Variants in BCL2L13 observed in about 807,000 individuals in gnomAD.
BCL2L13 encodes the protein bcl-2-like protein 13.
In BCL2L13, 13 loss-of-function variants were observed where a neutral mutation model predicts 25.8. That is an observed-to-expected ratio of 0.50 (90% CI 0.33 to 0.80). BCL2L13 has a LOEUF of 0.80. BCL2L13 is among the 30% of genes least tolerant of loss of function. The pLI, the probability that BCL2L13 is intolerant of heterozygous loss-of-function variation, is 0.02. For missense variants in BCL2L13, 504 were observed against 574.9 expected (o/e 0.88, Z 1.26); for synonymous variants, 244 against 230.3 (o/e 1.06, Z -0.54).
At chr22:17,643,914 A>C (rs1401325397) in intron 1 of BCL2L13, among the ~76,000 whole-genome samples, 3 of 143,642 alleles carry the variant, frequency 2.1e-5, no homozygotes. Flanking sequence ...CGCCCGGCCA[A>C]CTTTTTTATT....
intron 5 of BCL2L13, among the ~76,000 whole-genome samples, chr22:17,696,809 G>A (rs1195754902): frequency 6.6e-6 from 1 of 152,104 alleles, no homozygotes; most frequent in Non-Finnish European, 1.5e-5. Flanking sequence ...TCTAGCGTCT[G>A]TTTTTTCCAC....
At chr22:17,680,688 C>T (rs886867649) in intron 2 of BCL2L13, among the ~76,000 whole-genome samples, 2 of 151,888 alleles carry the variant, frequency 1.3e-5, no homozygotes, top group African/African-American at 4.8e-5. Flanking sequence ...AGCATCACTA[C>T]GTGTGTGGGG....
chr22:17,683,284 A>G lies in BCL2L13; in HGVS notation c.192A>G (p.Glu64=). 1 of 1,591,886 alleles carries G rather than the reference A, an allele frequency of 6.3e-7. No homozygotes were observed. The highest frequency in any genetic ancestry group is 8.6e-7 in the Non-Finnish European group (1 of 1,165,336). ...TATTAAAAGTTAAAACTGAAATTGAAGAAGAGCTAAAATCTCTGGACAAAG... is the reference window on the plus strand; with the variant it reads ...TATTAAAAGTTAAAACTGAAATTGAGGAAGAGCTAAAATCTCTGGACAAAG... ...EILLKVKTEI[E]EELKSLDKEI... is the part of the protein sequence containing the mutation. The change falls in exon 3 of 7, where the codon GAA becomes GAG. Residue 64 remains glutamate (E), a synonymous_variant. Coordinates refer to ENST00000317582, the MANE Select transcript of BCL2L13 (RefSeq NM_015367.4).
intron 2 of BCL2L13, among the ~76,000 whole-genome samples, chr22:17,682,760 T>C (rs1298088446): frequency 6.6e-6 from 1 of 152,218 alleles, no homozygotes; most frequent in East Asian, 1.9e-4. Flanking sequence ...ATTTTTGTTT[T>C]TTAATTATTG....
At position 17,672,448 on chromosome 22, in the gene BCL2L13, CATTT is replaced by C. The variant is rs988146868; in HGVS notation, c.122-10765_122-10762del. ...TAATGATTACTGACTCACTTGACTT[CATTT>C]GAAACAAGTGGGTGGGACTTAGTGT... On this transcript the variant is annotated intron_variant, in intron 2 of 6. Transcript: ENST00000317582. 5.2e-4 allele frequency among the ~76,000 whole-genome samples: 79 copies of C among 152,324 alleles called. 1 individual carries two copies. The highest frequency in any genetic ancestry group is 6.9e-4 in the Non-Finnish European group (47 of 68,028).
intron 2 of BCL2L13, among the ~76,000 whole-genome samples, chr22:17,674,586 AC>A (rs2059519499): frequency 7.2e-6 from 1 of 138,366 alleles, no homozygotes; most frequent in African/African-American, 2.7e-5. Context: ...AGCCTGGGCA[AC>A]CGTGTGAGAC....
In BCL2L13 at chr22:17,685,736, A is replaced by G. The variant is rs62240491; in HGVS notation, c.229+2415A>G. On this transcript the variant is annotated intron_variant, in intron 3 of 6. Transcript: ENST00000317582. Reference sequence around the variant, plus strand: ...TGTGCAAGTTTTTGTGTGGACATATATTGCCCAATAATTTTTTCTTTTTCT... The same window carrying G: ...TGTGCAAGTTTTTGTGTGGACATATGTTGCCCAATAATTTTTTCTTTTTCT... Among the ~76,000 whole-genome samples the G allele has an allele frequency of 7.6e-3, 714 of 94,020 alleles. 2 individuals are homozygous for G. Among genetic ancestry groups the G allele is most frequent in the Non-Finnish European group, 0.013 (565 of 45,182 alleles). 61.7% of individuals were successfully genotyped at this position (94,020 alleles called of 152,430 possible).
chr22:17,683,481 C>A (rs1473920454), intron 3 of BCL2L13, among the ~76,000 whole-genome samples, 160 bp downstream of exon 3: 2 of 152,072 alleles, frequency 1.3e-5, no homozygotes, highest in Non-Finnish European at 2.9e-5. Flanking sequence ...AGAAGGTAGC[C>A]TTTTTTCTTT....
At chr22:17,714,048 C>T (rs1224326173) in intron 6 of BCL2L13, among the ~76,000 whole-genome samples, 1 of 150,952 alleles carries the variant, frequency 6.6e-6, no homozygotes, top group African/African-American at 2.4e-5. Flanking sequence ...AATCCCAGCA[C>T]TTTGGGAGGC....
At chr22:17,634,376 G>A (rs1040212961), upstream of BCL2L13, among the ~76,000 whole-genome samples, 4 of 152,092 alleles carry the variant, frequency 2.6e-5, no homozygotes, top group Non-Finnish European at 4.4e-5. Flanking sequence ...TAGTAGAGAC[G>A]AGGTTTCACT....
At chr22:17,663,089 T>C (rs1393290165) in intron 2 of BCL2L13, among the ~76,000 whole-genome samples, 1 of 152,180 alleles carries the variant, frequency 6.6e-6, no homozygotes, top group African/African-American at 2.4e-5. Context: ...CAGGCTGGTC[T>C]CAAACTCGTG....
intron 6 of BCL2L13, among the ~76,000 whole-genome samples, chr22:17,714,349 G>A (rs983297409): frequency 1.3e-5 from 2 of 152,102 alleles, no homozygotes; most frequent in Admixed American, 1.3e-4. Context: ...CTACTTGGGA[G>A]GCTGAGGCAG....
intron 2 of BCL2L13, among the ~76,000 whole-genome samples, chr22:17,669,923 A>G (rs1277861603): frequency 6.6e-6 from 1 of 152,170 alleles, no homozygotes; most frequent in Non-Finnish European, 1.5e-5. Context: ...TTTTCTTTAT[A>G]AACTATCCAG....
intron 2 of BCL2L13, among the ~76,000 whole-genome samples, chr22:17,656,267 A>T (rs1272151223): frequency 6.7e-6 from 1 of 150,368 alleles, no homozygotes; most frequent in Non-Finnish European, 1.5e-5. Context: ...CACAAAAAAG[A>T]ATAACCCGTT....
intron 6 of BCL2L13, among the ~76,000 whole-genome samples, chr22:17,718,311 G>C (rs1354134296): frequency 6.6e-6 from 1 of 152,050 alleles, no homozygotes. Context: ...ATAAAAGGAG[G>C]GGAAAATGAT....
In BCL2L13 at chr22:17,655,727, A is replaced by G; in HGVS notation, c.16A>G (p.Thr6Ala). The G allele has an allele frequency of 6.2e-7, 1 of 1,613,216 alleles. No individual in the cohort carries two copies. The highest frequency in any genetic ancestry group is 8.5e-7 in the Non-Finnish European group (1 of 1,179,558). The change falls in exon 2 of 7, where the codon ACT (threonine) becomes GCT (alanine). Residue 6 changes from threonine (T) to alanine (A), a missense_variant. Thr to Ala is a moderately conservative substitution (Grantham distance 58, BLOSUM62 0). Coordinates refer to ENST00000317582, the MANE Select transcript of BCL2L13 (RefSeq NM_015367.4). MASSS[T>A]VPLGFHYETK... ...AGCCAATTCAATGGCGTCCTCTTCTACTGTGCCTCTGGGATTTCACTATGA... is the reference window on the plus strand; with the variant it reads ...AGCCAATTCAATGGCGTCCTCTTCTGCTGTGCCTCTGGGATTTCACTATGA...
In BCL2L13 at chr22:17,660,929, C is replaced by T. The variant is rs887840494; in HGVS notation, c.121+5097C>T. Among the ~76,000 whole-genome samples the T allele has an allele frequency of 2.8e-5, 4 of 143,826 alleles. 1 individual carries two copies. The highest frequency in any genetic ancestry group is 2.2e-4 in the South Asian group (1 of 4,594). 94.4% of individuals were successfully genotyped at this position (143,826 alleles called of 152,430 possible). On this transcript the variant is annotated intron_variant, in intron 2 of 6. Transcript: ENST00000317582. ...CCTCCCAAGTAGCTGGGACTACAGA[C>T]GCATGCCACCACACCCAGCTAATTT...
chr22:17,638,650 G>T, upstream of BCL2L13: 2 of 1,229,480 alleles, frequency 1.6e-6, no homozygotes, highest in South Asian at 4.1e-5. Flanking sequence ...AGAGACCTCC[G>T]GGGCCTCCGT....
At chr22:17,636,362 C>T (rs1288387502), upstream of BCL2L13, among the ~76,000 whole-genome samples, 2 of 150,548 alleles carry the variant, frequency 1.3e-5, no homozygotes, top group African/African-American at 2.4e-5. Context: ...CATGTGGTGG[C>T]ACAAGCCTGT....
Sources: gnomAD v4.1 joint callset for allele counts (sites outside exome capture counted in the v4.1 genomes callset) on GRCh38, gnomAD v4.1.1 for gene constraint, MANE v1.5 for transcripts, NCBI Gene and HGNC (gene_info 2026-07-23, HGNC 2026-07-21) for gene names.